The following KCNH8 variants were observed in gnomAD, a reference collection of about 807,000 sequenced individuals.
KCNH8 encodes the protein voltage-gated delayed rectifier potassium channel KCNH8.
A neutral mutation model predicts 103.6 loss-of-function variants in KCNH8; 70 were observed. That is an observed-to-expected ratio of 0.68 (90% CI 0.56 to 0.82). The LOEUF is 0.82. Ranked by LOEUF, KCNH8 falls within the 40% of genes least tolerant of loss-of-function variation. The pLI, the probability that KCNH8 is intolerant of heterozygous loss-of-function variation, is 0.00. For synonymous variants in KCNH8, 498 were observed against 489.4 expected, an observed-to-expected ratio of 1.02 and a Z score of -0.23; for missense variants, 1,217 against 1,329.9, an observed-to-expected ratio of 0.92 and a Z score of 1.32.
chr3:19,226,584 TTCTC>T (rs113627715), intron 1 of KCNH8, among the ~76,000 whole-genome samples: 131 of 148,088 alleles, frequency 8.8e-4, no homozygotes, highest in African/African-American at 2.4e-3. Context: ...CTTTCAGTCT[TTCTC>T]TCTCTCTCTC....
chr3:19,494,934 T>G (rs958416722), intron 11 of KCNH8, among the ~76,000 whole-genome samples: 4 of 152,204 alleles, frequency 2.6e-5, no homozygotes, highest in Non-Finnish European at 5.9e-5. Context: ...TTGATTTGCA[T>G]TTCTCTAATG....
rs543430775 is a variant in KCNH8, at chr3:19,451,485, A to G, written c.1825+81A>G. 1.6e-4 allele frequency: 210 copies of G among 1,284,690 alleles called. 1 individual carries two copies. In the African/African-American group the frequency reaches 2.8e-3, roughly 17 times the overall value. 79.6% of individuals were successfully genotyped at this position (1,284,690 alleles called of 1,614,324 possible). A position where few individuals can be genotyped will look rare whatever the true frequency, so the allele number is the denominator to read the frequency against. ...AGATGAAATGGGGGAAAAAACTGCT[A>G]TTGAGAGTAGGAAAAGAACAGATGA... On this transcript the variant is annotated intron_variant, in intron 10 of 15. Coordinates refer to ENST00000328405, the MANE Select transcript of KCNH8 (RefSeq NM_144633.3).
intron 7 of KCNH8, among the ~76,000 whole-genome samples, chr3:19,424,589 A>G (rs1330102510): frequency 6.6e-6 from 1 of 152,154 alleles, no homozygotes; most frequent in Non-Finnish European, 1.5e-5. Flanking sequence ...AGCAAACACA[A>G]CAAAACAAAA....
chr3:19,204,952 A>T (rs1175098783), intron 1 of KCNH8, among the ~76,000 whole-genome samples: 1 of 152,092 alleles, frequency 6.6e-6, no homozygotes, highest in Non-Finnish European at 1.5e-5. Flanking sequence ...AAGGATGTCA[A>T]ATGAAGAAGT....
chr3:19,338,343 T>C (rs545317126), intron 3 of KCNH8, among the ~76,000 whole-genome samples: 5 of 152,154 alleles, frequency 3.3e-5, no homozygotes, highest in Non-Finnish European at 1.5e-5. Flanking sequence ...TAACAACTAT[T>C]GATTCTTCAG....
rs181536562 is a variant in KCNH8 at position 19,378,132 on chromosome 3, G to A, written c.812-12349G>A. 1.7e-3 allele frequency among the ~76,000 whole-genome samples: 255 copies of A among 152,250 alleles called. 2 individuals carry two copies. The highest frequency in any genetic ancestry group is 2.2e-3 in the Non-Finnish European group (148 of 68,020). On this transcript the variant is annotated intron_variant, in intron 5 of 15. Transcript: ENST00000328405. ...TTCTACCATCTTTAATGGGTGGCTT[G>A]TAATGTCACTCTGTTTTTCTTCATT... is the stretch of plus-strand genomic sequence containing the variant.
chr3:19,519,734 T>C (rs1352942540), intron 15 of KCNH8, among the ~76,000 whole-genome samples: 1 of 151,916 alleles, frequency 6.6e-6, no homozygotes, highest in African/African-American at 2.4e-5. Flanking sequence ...GATGTTAACC[T>C]TCTGTTCAAC....
chr3:19,269,281 G>C (rs957095029), intron 2 of KCNH8, among the ~76,000 whole-genome samples: 1 of 151,980 alleles, frequency 6.6e-6, no homozygotes, highest in Non-Finnish European at 1.5e-5. Context: ...TTTTCTTTAA[G>C]TCTTTACTTT....
At chr3:19,283,697 G>A (rs1159249129) in intron 3 of KCNH8, among the ~76,000 whole-genome samples, 1 of 151,764 alleles carries the variant, frequency 6.6e-6, no homozygotes, top group Admixed American at 6.6e-5. Context: ...CAGGAGAACT[G>A]CTTGAGCCCA....
chr3:19,206,484 GA>G (rs2063718248), intron 1 of KCNH8, among the ~76,000 whole-genome samples: 1 of 151,762 alleles, frequency 6.6e-6, no homozygotes, highest in Non-Finnish European at 1.5e-5. Context: ...CAGGAAGCTT[GA>G]AAGACAATTA....
intron 1 of KCNH8, among the ~76,000 whole-genome samples, chr3:19,181,486 T>C (rs60257203): frequency 0.041 from 6,275 of 152,026 alleles, 458 homozygotes; most frequent in African/African-American, 0.14. Context: ...TCAAGATTAA[T>C]CTAAAAAGAG....
At chr3:19,149,904 A>G (rs2063112414) in intron 1 of KCNH8, among the ~76,000 whole-genome samples, 1 of 152,228 alleles carries the variant, frequency 6.6e-6, no homozygotes, top group African/African-American at 2.4e-5. Flanking sequence ...TTTCCACTCC[A>G]GTAGTCTAAA....
At chr3:19,283,869 G>A (rs1392452643) in intron 3 of KCNH8, among the ~76,000 whole-genome samples, 1 of 151,338 alleles carries the variant, frequency 6.6e-6, no homozygotes, top group African/African-American at 2.4e-5. Context: ...CTTCAGCCCA[G>A]GAGGTGAATG....
intron 1 of KCNH8, among the ~76,000 whole-genome samples, chr3:19,237,648 G>A (rs1157144832): frequency 2.6e-5 from 4 of 152,308 alleles, no homozygotes; most frequent in Middle Eastern, 3.4e-3. Flanking sequence ...TGAAGACCCT[G>A]TAATTTACAG....
chr3:19,336,057 C>G lies in KCNH8; in HGVS notation c.443-6530C>G, dbSNP rs763810298. 4.0e-4 allele frequency among the ~76,000 whole-genome samples: 61 copies of G among 150,644 alleles called. 1 individual carries two copies. The highest frequency in any genetic ancestry group is 6.3e-4 in the South Asian group (3 of 4,790). On this transcript the variant is annotated intron_variant, in intron 3 of 15. Transcript: ENST00000328405. ...TAGTTTACTCTTTTTTATTGTTTTC[C>G]TATTAAATTACTATATTTATTTGGT...
chr3:19,262,977 A>T (rs2064456797), intron 2 of KCNH8, among the ~76,000 whole-genome samples: 1 of 151,996 alleles, frequency 6.6e-6, no homozygotes, highest in African/African-American at 2.4e-5. Flanking sequence ...CAAATGCAAT[A>T]TTTTTTTATA....
At chr3:19,348,459 G>C (rs907499335) in intron 5 of KCNH8, among the ~76,000 whole-genome samples, 2 of 152,070 alleles carry the variant, frequency 1.3e-5, no homozygotes, top group African/African-American at 4.8e-5. Flanking sequence ...GAAGCAGTGA[G>C]TATCTGATTT....
At chr3:19,291,702 G>C (rs1247986951) in intron 3 of KCNH8, among the ~76,000 whole-genome samples, 2 of 152,170 alleles carry the variant, frequency 1.3e-5, no homozygotes, top group African/African-American at 4.8e-5. Context: ...GTGTGGTGCT[G>C]AAAAGAATGT....
chr3:19,527,224 C>T (rs767032170), intron 15 of KCNH8, among the ~76,000 whole-genome samples: 31 of 152,134 alleles, frequency 2.0e-4, no homozygotes, highest in Non-Finnish European at 3.4e-4. Context: ...GAGACTTTTT[C>T]TTCTGATATT....
Sources: allele counts gnomAD v4.1 joint callset (sites outside exome capture counted in the v4.1 genomes callset), GRCh38; gene constraint gnomAD v4.1.1; transcripts MANE v1.5; gene names NCBI Gene and HGNC (gene_info 2026-07-23, HGNC 2026-07-21).